ASTN2: variants seen among roughly 807,000 people sequenced by gnomAD.
The protein encoded by ASTN2 is astrotactin 2, also known as astrotactin-2.
In ASTN2, 54 loss-of-function variants were observed where a neutral mutation model predicts 139.8. The observed-to-expected ratio is 0.39, with a 90% CI of 0.31 to 0.48. ASTN2 has a LOEUF of 0.48. ASTN2 is among the 20% of genes least tolerant of loss of function. ASTN2 has a pLI of 0.95. For missense variants in ASTN2, 1,565 were observed against 1,725.1 expected (o/e 0.91, Z 1.64); for synonymous variants, 756 against 719.5 (o/e 1.05, Z -0.81).
chr9:116,686,957 GTAAGGTGCCAACGCTTTGCTGAGGAC>G (rs1860257439), intron 16 of ASTN2: 2 of 1,472,474 alleles, frequency 1.4e-6, no homozygotes, highest in Non-Finnish European at 1.8e-6. Context: ...AACAGATTCA[GTAAGGTGCCAACGCTTTGCTGAGGAC>G]TACCCTGGAG....
chr9:116,779,364 A>G (rs768344000), intron 13 of ASTN2, among the ~76,000 whole-genome samples: 7 of 152,134 alleles, frequency 4.6e-5, no homozygotes, highest in Non-Finnish European at 7.4e-5. Context: ...GAACACAGCA[A>G]CAAGGCACCA....
chr9:117,128,493 T>C (rs563675332), intron 4 of ASTN2, among the ~76,000 whole-genome samples: 1 of 150,934 alleles, frequency 6.6e-6, no homozygotes, highest in South Asian at 2.1e-4. Flanking sequence ...TTAGGAATCT[T>C]GTGGCCTCTG....
chr9:117,400,853 T>C (rs1830809108), intron 1 of ASTN2, among the ~76,000 whole-genome samples: 1 of 152,068 alleles, frequency 6.6e-6, no homozygotes, highest in Admixed American at 6.6e-5. Flanking sequence ...CCAGCAGAAC[T>C]GGGACCAAAA....
intron 19 of ASTN2, chr9:116,613,015 A>G (rs1855632076): frequency 6.6e-6 from 1 of 152,156 alleles, no homozygotes; most frequent in Non-Finnish European, 1.5e-5. Context: ...AATCAAATAG[A>G]CGCAATAAAA....
At chr9:116,743,080 C>T (rs1178394026) in intron 13 of ASTN2, among the ~76,000 whole-genome samples, 3 of 152,144 alleles carry the variant, frequency 2.0e-5, no homozygotes, top group African/African-American at 7.2e-5. Context: ...AGAGACCTTC[C>T]CTCACCAACC....
intron 15 of ASTN2, 138 bp from the exon 16 acceptor site, chr9:116,726,088 A>T: frequency 1.4e-6 from 1 of 696,864 alleles, no homozygotes; most frequent in East Asian, 2.7e-5. Flanking sequence ...TGGCTGCACT[A>T]GTCCAAACAT....
At chr9:117,340,178 A>G (rs1829020252) in intron 1 of ASTN2, among the ~76,000 whole-genome samples, 1 of 151,732 alleles carries the variant, frequency 6.6e-6, no homozygotes, top group Non-Finnish European at 1.5e-5. Flanking sequence ...TACAAAAAAA[A>G]TTAGCCGAGA....
intron 19 of ASTN2, among the ~76,000 whole-genome samples, chr9:116,604,761 A>G (rs1378657458): frequency 6.6e-6 from 1 of 152,098 alleles, no homozygotes; most frequent in Non-Finnish European, 1.5e-5. Context: ...CACCTCCATA[A>G]CTGCTCCCTT....
At chr9:116,512,606 A>T (rs58070662) in intron 19 of ASTN2, among the ~76,000 whole-genome samples, 1,885 of 152,262 alleles carry the variant, frequency 0.012, 34 homozygotes, top group African/African-American at 0.043. Flanking sequence ...GTGGGGTGTT[A>T]AAGTCTCTCA....
At chr9:116,430,527 G>A (rs1847463438) in intron 22 of ASTN2, among the ~76,000 whole-genome samples, 1 of 152,202 alleles carries the variant, frequency 6.6e-6, no homozygotes, top group South Asian at 2.1e-4. Context: ...CTAAGTAAGT[G>A]TCAGCAATGA....
At chr9:117,243,054 A>G (rs1245195894) in intron 2 of ASTN2, among the ~76,000 whole-genome samples, 2 of 152,224 alleles carry the variant, frequency 1.3e-5, no homozygotes, top group African/African-American at 4.8e-5. Context: ...GGCACTTTGC[A>G]TTTGCATAGA....
chr9:117,148,940 A>G (rs1830264167), intron 3 of ASTN2, among the ~76,000 whole-genome samples: 1 of 151,574 alleles, frequency 6.6e-6, no homozygotes. Context: ...TTGCTGGCCT[A>G]CCTTACAGAT....
At chr9:117,276,670 T>C (rs946411098) in intron 2 of ASTN2, among the ~76,000 whole-genome samples, 6 of 151,922 alleles carry the variant, frequency 3.9e-5, no homozygotes, top group Non-Finnish European at 8.8e-5. Context: ...CTGCAGAATT[T>C]TAGAGGAGGA....
chr9:116,630,205 T>A (rs891963372), intron 17 of ASTN2, among the ~76,000 whole-genome samples: 3 of 152,130 alleles, frequency 2.0e-5, no homozygotes, highest in Admixed American at 2.0e-4. Context: ...CCCAGAGAGT[T>A]TGGGTTCCTT....
intron 4 of ASTN2, among the ~76,000 whole-genome samples, chr9:117,098,725 G>T (rs938465215): frequency 6.6e-6 from 1 of 151,352 alleles, no homozygotes. Context: ...GGAGAGCAGA[G>T]GTCCCCAGAA....
chr9:116,569,201 T>C (rs116356246), intron 19 of ASTN2, among the ~76,000 whole-genome samples: 3,410 of 152,272 alleles, frequency 0.022, 127 homozygotes, highest in African/African-American at 0.078. Context: ...CGGGCCTCGT[T>C]TGCATGCCAA....
Position 116,423,895 on chromosome 9 carries a change from TTTTC to T in ASTN2, c.*1952_*1955del, listed in dbSNP as rs1847243638. 6.6e-6 allele frequency among the ~76,000 whole-genome samples: 1 copy of T among 152,170 alleles called. No individual in the cohort carries two copies. The highest frequency in any genetic ancestry group is 1.5e-5 in the Non-Finnish European group (1 of 68,016). ...CCAAATTGAGAAGTAGGCATGGTTT[TTTTC>T]TTTTTTACTCACCACTACACAAATG... On this transcript the variant is annotated 3_prime_UTR_variant, in exon 23 of 23. Coordinates refer to ENST00000313400, the MANE Select transcript of ASTN2 (RefSeq NM_001365068.1).
At chr9:116,509,222 T>C (rs1047503360) in intron 19 of ASTN2, among the ~76,000 whole-genome samples, 2 of 152,172 alleles carry the variant, frequency 1.3e-5, no homozygotes, top group African/African-American at 2.4e-5. Flanking sequence ...AGTGTTCTCA[T>C]TGTTCAATTC....
At chr9:117,211,791 T>C (rs4532677) in intron 3 of ASTN2, among the ~76,000 whole-genome samples, 25,586 of 151,630 alleles carry the variant, frequency 0.17, 2,377 homozygotes, top group South Asian at 0.28. Context: ...AAGAAGGAAA[T>C]CCCATCTACA....
Sources: gnomAD v4.1 joint callset for allele counts (sites outside exome capture counted in the v4.1 genomes callset) on GRCh38, gnomAD v4.1.1 for gene constraint, MANE v1.5 for transcripts, NCBI Gene and HGNC (gene_info 2026-07-23, HGNC 2026-07-21) for gene names.